Variants in ZNF469 observed in about 807,000 individuals in gnomAD.
ZNF469 encodes zinc finger protein 469.
A neutral mutation model predicts 1.0 loss-of-function variants in ZNF469; 1 was observed. The observed-to-expected ratio is 1.00, with a 90% CI of 0.35 to 4.73. ZNF469 has a LOEUF of 4.73. Among genes scored for constraint, ZNF469 ranks in the 30% most tolerant of loss-of-function variants. The pLI is 0.16. For missense variants in ZNF469, 6,100 were observed against 5,356.3 expected (o/e 1.14, Z -4.33); for synonymous variants, 2,703 against 2,363.4 (o/e 1.14, Z -4.17).
chr16:88,289,392 CATGATGATGGTGATGATG>C, the ZNF469 span, among the ~76,000 whole-genome samples: 30 of 150,328 alleles, frequency 2.0e-4, no homozygotes, highest in Admixed American at 6.6e-4. Context: ...TGGTGATGAT[CATGATGATGGTGATGATG>C]ATGATGATTA....
chr16:88,181,215 C>T, the ZNF469 span, among the ~76,000 whole-genome samples: 17 of 152,198 alleles, frequency 1.1e-4, no homozygotes, highest in East Asian at 5.8e-4. Flanking sequence ...GGACTACAGG[C>T]GCCCGCCACC....
At chr16:88,125,328 T>G in the ZNF469 span, among the ~76,000 whole-genome samples, 1 of 152,328 alleles carries the variant, frequency 6.6e-6, no homozygotes, top group East Asian at 1.9e-4. Context: ...CTATTATAGA[T>G]CCTTTGCATT....
the ZNF469 span, among the ~76,000 whole-genome samples, chr16:88,371,262 C>T: frequency 6.6e-6 from 1 of 152,252 alleles, no homozygotes; most frequent in African/African-American, 2.4e-5. Flanking sequence ...TTAGTCAATA[C>T]TAAGCACACA....
chr16:88,364,489 C>CA, the ZNF469 span, among the ~76,000 whole-genome samples: 3,852 of 55,964 alleles, frequency 0.069, 366 homozygotes, highest in African/African-American at 0.12. Flanking sequence ...TGTTGATTTC[C>CA]AAAAAAAAAA....
chr16:88,159,476 C>T, the ZNF469 span, among the ~76,000 whole-genome samples: 2 of 152,124 alleles, frequency 1.3e-5, no homozygotes, highest in African/African-American at 2.4e-5. Context: ...CCATGTGGTG[C>T]ACGGAAGCGC....
upstream of ZNF469, among the ~76,000 whole-genome samples, chr16:88,380,510 CAT>C (rs545040266): frequency 1.0e-3 from 127 of 121,068 alleles, 1 homozygote; most frequent in Middle Eastern, 5.0e-3. Context: ...CTCACACAGA[CAT>C]GCACACACAC....
the ZNF469 span, among the ~76,000 whole-genome samples, chr16:88,321,662 G>T: frequency 4.6e-5 from 7 of 152,174 alleles, no homozygotes; most frequent in African/African-American, 1.7e-4. Context: ...CTCGGATTCT[G>T]CTCATAAGGC....
the ZNF469 span, among the ~76,000 whole-genome samples, chr16:88,323,279 G>A: frequency 6.6e-6 from 1 of 152,142 alleles, no homozygotes; most frequent in African/African-American, 2.4e-5. Context: ...GGGAGGCTGG[G>A]GACACGTGTC....
At chr16:88,322,124 A>T in the ZNF469 span, among the ~76,000 whole-genome samples, 2 of 152,208 alleles carry the variant, frequency 1.3e-5, no homozygotes, top group African/African-American at 2.4e-5. Flanking sequence ...CCACGGCAGG[A>T]GGTGCCGCCT....
Position 88,430,349 on chromosome 16 carries a change from CGGG to C in ZNF469, c.2880_2882del (p.Gly962del). On this transcript the variant is annotated inframe_deletion, in exon 3 of 3. Coordinates refer to ENST00000565624, the MANE Select transcript of ZNF469 (RefSeq NM_001367624.2). ...AAGCTGTTCCGGAAGGATCTGGACTCGGGCGGCGCAGCAGAGGGGTCGGGGTCG... is the reference window on the plus strand; with the variant it reads ...AAGCTGTTCCGGAAGGATCTGGACTCCGGCGCAGCAGAGGGGTCGGGGTCG... The C allele has an allele frequency of 6.6e-7, 1 of 1,513,158 alleles. No individual in the cohort carries two copies. 93.7% of individuals were successfully genotyped at this position (1,513,158 alleles called of 1,614,324 possible). A position where few individuals can be genotyped will look rare whatever the true frequency, so the allele number is the denominator to read the frequency against.
At chr16:88,252,800 C>G in the ZNF469 span, among the ~76,000 whole-genome samples, 5 of 152,090 alleles carry the variant, frequency 3.3e-5, no homozygotes, top group Non-Finnish European at 7.4e-5. Context: ...ATAATCAACA[C>G]TCATATGAAG....
rs1905598844 is a variant in ZNF469, at chr16:88,424,097, C to T, written c.-191-710C>T. Among the ~76,000 whole-genome samples, 1 of 152,230 alleles carries T rather than the reference C, an allele frequency of 6.6e-6. No homozygotes were observed. Among genetic ancestry groups the T allele is most frequent in the African/African-American group, 2.4e-5 (1 of 41,464 alleles). On this transcript the variant is annotated intron_variant, in intron 1 of 2. Coordinates refer to ENST00000565624, the MANE Select transcript of ZNF469 (RefSeq NM_001367624.2). The surrounding 1 kb of genome is among the most constrained non-coding windows in gnomAD (Gnocchi z 4.3). ...CCACAGCGTTTGGAGCACAGGCTGT[C>T]GCCATGTGGTGACCATTGCTGTATT...
At chr16:88,130,837 C>T in the ZNF469 span, among the ~76,000 whole-genome samples, 3 of 152,252 alleles carry the variant, frequency 2.0e-5, no homozygotes, top group South Asian at 2.1e-4. Flanking sequence ...AGCACCGGCG[C>T]TGGGAAACGA....
At chr16:88,135,748 GTTTTTTTT>G in the ZNF469 span, among the ~76,000 whole-genome samples, 2 of 66,926 alleles carry the variant, frequency 3.0e-5, no homozygotes, top group African/African-American at 9.8e-5. Flanking sequence ...AGCTGGCCAT[GTTTTTTTT>G]TTTTTTTTTT....
At chr16:88,300,118 G>A in the ZNF469 span, among the ~76,000 whole-genome samples, 381 of 152,286 alleles carry the variant, frequency 2.5e-3, 1 homozygote, top group African/African-American at 8.8e-3. Context: ...GCCTGACCTG[G>A]GAAAAGGAAA....
the ZNF469 span, among the ~76,000 whole-genome samples, chr16:88,158,340 G>A: frequency 0.56 from 85,702 of 151,766 alleles, 28,285 homozygotes; most frequent in Non-Finnish European, 0.76. Context: ...GTGGGGGCAC[G>A]GGAAGCCCCC....
the ZNF469 span, among the ~76,000 whole-genome samples, chr16:88,210,964 G>T: frequency 6.6e-6 from 1 of 152,208 alleles, no homozygotes; most frequent in Non-Finnish European, 1.5e-5. Flanking sequence ...ATTGGGCGGG[G>T]TTGCCTTAGC....
At chr16:88,202,370 G>C in the ZNF469 span, among the ~76,000 whole-genome samples, 1 of 152,164 alleles carries the variant, frequency 6.6e-6, no homozygotes, top group Non-Finnish European at 1.5e-5. Context: ...TTAGAGTGAG[G>C]CTCTGGCTGT....
the ZNF469 span, among the ~76,000 whole-genome samples, chr16:88,258,368 G>T: frequency 6.6e-6 from 1 of 152,118 alleles, no homozygotes; most frequent in Non-Finnish European, 1.5e-5. Flanking sequence ...GAAGGGAGGG[G>T]CCACTCCCAT....
Sources: gnomAD v4.1 joint callset for allele counts (sites outside exome capture counted in the v4.1 genomes callset) on GRCh38, gnomAD v4.1.1 for gene constraint, Gnocchi (gnomAD v3.1) non-coding constraint, MANE v1.5 for transcripts, NCBI Gene and HGNC (gene_info 2026-07-23, HGNC 2026-07-21) for gene names.